KDM3B: variants seen among roughly 807,000 people sequenced by gnomAD.
The protein encoded by KDM3B is lysine demethylase 3B, also known as lysine-specific demethylase 3B.
Under a neutral mutation model 170.0 loss-of-function variants are expected in KDM3B, and 10 were observed. The observed-to-expected ratio is 0.06, with a 90% CI of 0.04 to 0.10. The LOEUF is 0.10. Among genes scored for constraint, KDM3B ranks in the 10% least tolerant of loss-of-function variants. The pLI is 1.00. For missense variants in KDM3B, 1,394 were observed against 2,195.2 expected, an observed-to-expected ratio of 0.64 and a Z score of 7.29; for synonymous variants, 831 against 834.8, an observed-to-expected ratio of 1.00 and a Z score of 0.08.
In KDM3B at chr5:138,424,139, A is replaced by T; in HGVS notation, c.4037A>T (p.Asn1346Ile). ...CACATCATTGCCTCAGTGGTAGAAA[A>T]TAAGAAAACCTCAGATGCTTCAAAG... ...LDHIIASVVENKKTSDASKRA... is the reference protein window; with the variant it reads ...LDHIIASVVEIKKTSDASKRA... Residue 1346 changes from asparagine (N) to isoleucine (I), a missense_variant, in exon 16 of 24, where the codon AAT becomes ATT. This residue lies in a region of KDM3B where 137 missense variants were observed against 166.9 expected (regional missense o/e 0.82). Transcript: ENST00000314358. 6.2e-7 allele frequency: 1 copy of T among 1,612,024 alleles called. No individual in the cohort carries two copies.
rs1210424163 is a variant in KDM3B at position 138,424,291 on chromosome 5, A to G, written c.4189A>G (p.Ser1397Gly). 1.2e-6 allele frequency: 2 copies of G among 1,614,146 alleles called. No homozygotes were observed. Among genetic ancestry groups the G allele is most frequent in the Admixed American group, 1.7e-5 (1 of 60,008 alleles). ...GAGGCTTCTGTGTCTCCATGACCCC[A>G]GCAACAAAAACAATTGGAAGATCTT... is the stretch of plus-strand genomic sequence containing the variant. ...DGRLLCLHDP[S>G]NKNNWKIFRE... The change falls in exon 16 of 24, where the codon AGC becomes GGC. Residue 1397 changes from serine (S) to glycine (G), a missense_variant. Ser to Gly is a moderately conservative substitution (Grantham distance 56). Coordinates refer to ENST00000314358, the MANE Select transcript of KDM3B (RefSeq NM_016604.4).
chr5:138,416,530 A>G (rs1580941432), intron 12 of KDM3B, among the ~76,000 whole-genome samples: 1 of 146,764 alleles, frequency 6.8e-6, no homozygotes, highest in East Asian at 2.2e-4. Flanking sequence ...CAGAGGTTGC[A>G]GTGAGCCAAG....
At chr5:138,389,729 A>G (rs1762375181) in intron 7 of KDM3B, among the ~76,000 whole-genome samples, 1 of 152,046 alleles carries the variant, frequency 6.6e-6, no homozygotes, top group Admixed American at 6.6e-5. Context: ...ATTAATAAAT[A>G]TAAGTTTGGG....
At chr5:138,366,178 A>G (rs1475623002) in intron 1 of KDM3B, among the ~76,000 whole-genome samples, 1 of 152,086 alleles carries the variant, frequency 6.6e-6, no homozygotes, top group East Asian at 1.9e-4. Context: ...TCTATTAGAT[A>G]GATCTCATTT....
intron 22 of KDM3B, among the ~76,000 whole-genome samples, chr5:138,431,175 C>T (rs528310486): frequency 6.6e-6 from 1 of 152,116 alleles, no homozygotes; most frequent in African/African-American, 2.4e-5. Context: ...CCAGGCTGGT[C>T]TTGAACTCCT....
intron 1 of KDM3B, among the ~76,000 whole-genome samples, chr5:138,355,690 G>A (rs960145460): frequency 4.6e-5 from 7 of 152,132 alleles, no homozygotes; most frequent in African/African-American, 1.7e-4. Context: ...CTAATCTGGT[G>A]TCCTCTTTGT....
At chr5:138,383,621 A>G (rs1047677422) in intron 6 of KDM3B, among the ~76,000 whole-genome samples, 2 of 152,242 alleles carry the variant, frequency 1.3e-5, no homozygotes, top group Non-Finnish European at 2.9e-5. Context: ...AACAAGAAAG[A>G]ACAGAGTTCA....
At chr5:138,405,765 CAA>C (rs1228326308) in intron 11 of KDM3B, among the ~76,000 whole-genome samples, 8 of 151,998 alleles carry the variant, frequency 5.3e-5, no homozygotes, top group South Asian at 2.1e-4. Context: ...AAAATAGTAA[CAA>C]TATATTTTGG....
chr5:138,386,565 G>A lies in KDM3B; in HGVS notation c.1324G>A (p.Ala442Thr). The change falls in exon 7 of 24, where the codon GCA (alanine) becomes ACA (threonine). Residue 442 changes from alanine (A) to threonine (T), a missense_variant. Coordinates refer to ENST00000314358, the MANE Select transcript of KDM3B (RefSeq NM_016604.4). The stretch of plus-strand genomic sequence containing the variant: ...AGTGAGGATCTCAGACACTGGCCTT[G>A]CAGCAGGGACTGTGCCAGAAAAACA... ...NTVRISDTGL[A>T]AGTVPEKQKG... 2 of 1,614,220 alleles carry A rather than the reference G, an allele frequency of 1.2e-6. No individual in the cohort carries two copies. The highest frequency in any genetic ancestry group is 1.7e-6 in the Non-Finnish European group (2 of 1,180,040).
intron 4 of KDM3B, 81 bp from the exon 5 acceptor site, chr5:138,379,503 T>G: frequency 1.4e-6 from 2 of 1,381,172 alleles, no homozygotes; most frequent in Non-Finnish European, 2.0e-6. Context: ...TTACATTATC[T>G]AATTTTCCTT....
chr5:138,391,341 A>T lies in KDM3B; in HGVS notation c.1709A>T (p.Lys570Ile). The T allele has an allele frequency of 1.2e-6, 2 of 1,614,184 alleles. No homozygotes were observed. The highest frequency in any genetic ancestry group is 1.7e-6 in the Non-Finnish European group (2 of 1,180,042). Residue 570 changes from lysine (K) to isoleucine (I), a missense_variant, in exon 8 of 24, where the codon AAA (lysine) becomes ATA (isoleucine). Physicochemically the swap from Lys to Ile is moderately radical, Grantham distance 102. Coordinates refer to ENST00000314358, the MANE Select transcript of KDM3B (RefSeq NM_016604.4). This position sits in a 1 kb window ranked among gnomAD's most constrained non-coding sequence, Gnocchi z 5.0. ...SLESLSSGLC[K>I]GRSVLGTDTK... ...GAGAGCCTGAGCTCAGGCCTGTGTA[A>T]AGGCAGATCCGTTCTTGGAACAGAC... is the stretch of plus-strand genomic sequence containing the variant.
In KDM3B at chr5:138,393,377, C is replaced by T. The variant is rs771716719; in HGVS notation, c.2831+5C>T. The stretch of plus-strand genomic sequence containing the variant: ...CCGTTTCTTTCACTTCCGGAGGTAC[C>T]CAAACTCCTGTTTTCCTCCTTTGCT... On this transcript the variant is annotated splice_donor_5th_base_variant and intron_variant, in intron 9 of 23. Coordinates refer to ENST00000314358, the MANE Select transcript of KDM3B (RefSeq NM_016604.4). The T allele has an allele frequency of 6.2e-7, 1 of 1,611,638 alleles. No individual in the cohort carries two copies. Among genetic ancestry groups the T allele is most frequent in the South Asian group, 1.1e-5 (1 of 90,796 alleles).
intron 3 of KDM3B, among the ~76,000 whole-genome samples, chr5:138,377,107 T>C (rs1762019189): frequency 6.6e-6 from 1 of 152,224 alleles, no homozygotes; most frequent in South Asian, 2.1e-4. Context: ...TTTGTTGATA[T>C]GTCTTCCTCG....
chr5:138,361,096 G>A (rs1234164825), intron 1 of KDM3B, among the ~76,000 whole-genome samples: 1 of 152,154 alleles, frequency 6.6e-6, no homozygotes, highest in South Asian at 2.1e-4. Context: ...CAACAGCTGG[G>A]GTGGGTTCTA....
At chr5:138,389,160 T>C (rs1212441871) in intron 7 of KDM3B, among the ~76,000 whole-genome samples, 1 of 152,226 alleles carries the variant, frequency 6.6e-6, no homozygotes, top group African/African-American at 2.4e-5. Context: ...GTTCTTTTTC[T>C]CTATTGTAGG....
Position 138,419,177 on chromosome 5 carries a change from C to A in KDM3B, c.3660C>A (p.Ser1220=). The A allele has an allele frequency of 1.9e-6, 3 of 1,614,180 alleles. No homozygotes were observed. In the East Asian group the frequency reaches 6.7e-5, roughly 36 times the overall value. Residue 1220 remains serine, a synonymous_variant, in exon 14 of 24, where the codon TCC becomes TCA. Transcript: ENST00000314358. ...PPCPDTAPPS[S]ALHWLADLAT... ...GCCCTGACACGGCCCCACCCTCCTC[C>A]GCCCTGCACTGGTTGGCAGATTTAG...
At chr5:138,426,065 GT>G (rs1393459895) in intron 17 of KDM3B, among the ~76,000 whole-genome samples, 1 of 152,116 alleles carries the variant, frequency 6.6e-6, no homozygotes, top group Non-Finnish European at 1.5e-5. Context: ...TTCTGCCCTG[GT>G]GCCAACTGTG....
At chr5:138,368,096 T>C (rs1761787204) in intron 1 of KDM3B, among the ~76,000 whole-genome samples, 1 of 152,180 alleles carries the variant, frequency 6.6e-6, no homozygotes, top group Non-Finnish European at 1.5e-5. Context: ...TGGTCACCTC[T>C]GACTCAATCC....
At chr5:138,365,912 C>T (rs1454108351) in intron 1 of KDM3B, among the ~76,000 whole-genome samples, 1 of 152,028 alleles carries the variant, frequency 6.6e-6, no homozygotes, top group Non-Finnish European at 1.5e-5. Flanking sequence ...GGCACAGAAT[C>T]GTTTGAACCC....
Sources: gnomAD v4.1 joint callset for allele counts (sites outside exome capture counted in the v4.1 genomes callset) on GRCh38, gnomAD v4.1.1 for gene constraint, gnomAD v4.1.1 regional missense constraint, Gnocchi (gnomAD v3.1) non-coding constraint, MANE v1.5 for transcripts, NCBI Gene and HGNC (gene_info 2026-07-23, HGNC 2026-07-21) for gene names.